The following ALPL variants were observed in gnomAD, a reference collection of about 807,000 sequenced individuals.
ALPL encodes alkaline phosphatase, tissue-nonspecific isozyme.
A neutral mutation model predicts 51.3 loss-of-function variants in ALPL; 42 were observed. That is an observed-to-expected ratio of 0.82 (90% CI 0.64 to 1.06). The LOEUF is 1.06. Among genes scored for constraint, ALPL ranks in the 50% least tolerant of loss-of-function variants. The pLI is 0.00. For missense variants in ALPL, 589 were observed against 709.4 expected (o/e 0.83, Z 1.93); for synonymous variants, 279 against 296.4 (o/e 0.94, Z 0.60).
At chr1:21,547,806 G>A (rs1249174534) in intron 1 of ALPL, among the ~76,000 whole-genome samples, 1 of 152,230 alleles carries the variant, frequency 6.6e-6, no homozygotes, top group Non-Finnish European at 1.5e-5. Flanking sequence ...AACAGCATGG[G>A]GCTGAGTGGA....
At chr1:21,570,186 A>C in intron 7 of ALPL, 119 bp from the exon 8 acceptor site, 2 of 985,164 alleles carry the variant, frequency 2.0e-6, no homozygotes, top group Non-Finnish European at 3.2e-6. Context: ...GTCCTCAGGG[A>C]GAGATTTTTA....
chr1:21,571,378 T>C (rs1455604111), intron 8 of ALPL, among the ~76,000 whole-genome samples: 2 of 152,206 alleles, frequency 1.3e-5, no homozygotes, highest in African/African-American at 4.8e-5. Context: ...TCTCAAAACT[T>C]AGGCCAGGTG....
chr1:21,549,823 T>C (rs1011331438), intron 1 of ALPL, among the ~76,000 whole-genome samples: 1 of 152,178 alleles, frequency 6.6e-6, no homozygotes, highest in African/African-American at 2.4e-5. Flanking sequence ...GCAAAATTCT[T>C]AGGTATAAAT....
chr1:21,570,492 T>C (rs892449166), intron 8 of ALPL, 118 bp downstream of exon 8: 14 of 1,078,656 alleles, frequency 1.3e-5, no homozygotes, highest in Non-Finnish European at 1.9e-5. Context: ...GCCTCTGCTC[T>C]TGGGCTTCAG....
intron 1 of ALPL, among the ~76,000 whole-genome samples, chr1:21,522,603 G>A (rs943019665): frequency 2.6e-5 from 4 of 151,940 alleles, no homozygotes; most frequent in Non-Finnish European, 4.4e-5. Context: ...CACACCTCAC[G>A]CCCCAGATCC....
At chr1:21,518,261 CT>C (rs1643837945) in intron 1 of ALPL, among the ~76,000 whole-genome samples, 1 of 152,014 alleles carries the variant, frequency 6.6e-6, no homozygotes, top group South Asian at 2.1e-4. Flanking sequence ...AGGCCTGCCC[CT>C]CTCCACCCTT....
chr1:21,549,626 A>C (rs1470786553), intron 1 of ALPL, among the ~76,000 whole-genome samples: 3 of 152,014 alleles, frequency 2.0e-5, no homozygotes, highest in Non-Finnish European at 4.4e-5. Flanking sequence ...GGTGCACACC[A>C]CCATGCCCAG....
At chr1:21,535,503 T>C (rs1395571107) in intron 1 of ALPL, among the ~76,000 whole-genome samples, 1 of 151,826 alleles carries the variant, frequency 6.6e-6, no homozygotes, top group Non-Finnish European at 1.5e-5. Context: ...TCCCAGCTAC[T>C]TGGTCTCTTG....
chr1:21,577,638 T>C lies in ALPL; in HGVS notation c.1565T>C (p.Val522Ala), dbSNP rs34605986. The change falls in exon 12 of 12, where the codon GTC (valine) becomes GCC (alanine). Residue 522 changes from valine to alanine, a missense_variant. Physicochemically the swap from Val to Ala is moderately conservative, Grantham distance 64 (BLOSUM62 0). Coordinates refer to ENST00000374840, the MANE Select transcript of ALPL (RefSeq NM_000478.6). ...GCGCTGGCCCTCTACCCCCTGAGCG[T>C]CCTGTTCTGAGGGCCCAGGGCCCGG... ...LLALALYPLS[V>A]LF 0.11 allele frequency: 170,290 copies of C among 1,597,356 alleles called. 9,914 individuals carry two copies. The highest frequency in any genetic ancestry group is 0.16 in the South Asian group (14,861 of 90,698).
At chr1:21,573,881 G>A (rs536132373) in intron 9 of ALPL, 82 bp downstream of exon 9, 1 of 1,599,382 alleles carries the variant, frequency 6.3e-7, no homozygotes, top group Admixed American at 1.7e-5. Context: ...CTCTTAAAGG[G>A]AACTGACTGG....
chr1:21,515,583 T>A (rs1643779683), intron 1 of ALPL, among the ~76,000 whole-genome samples: 1 of 152,124 alleles, frequency 6.6e-6, no homozygotes, highest in Non-Finnish European at 1.5e-5. Flanking sequence ...GAGACATGGT[T>A]TTGCCATGTC....
intron 10 of ALPL, 102 bp downstream of exon 10, chr1:21,576,026 G>A: frequency 1.5e-6 from 2 of 1,377,650 alleles, no homozygotes; most frequent in Non-Finnish European, 2.1e-6. Context: ...GCATGGTGGG[G>A]ACTCAATGAC....
intron 2 of ALPL, among the ~76,000 whole-genome samples, chr1:21,554,806 TG>T (rs1558543818): frequency 0.17 from 2,698 of 15,492 alleles, 47 homozygotes; most frequent in Admixed American, 0.25. Flanking sequence ...TCTGTCTGTC[TG>T]TCTGTCTGTC....
At chr1:21,516,214 C>T (rs1431351787) in intron 1 of ALPL, among the ~76,000 whole-genome samples, 1 of 152,100 alleles carries the variant, frequency 6.6e-6, no homozygotes, top group Non-Finnish European at 1.5e-5. Flanking sequence ...TCCCCCTCCA[C>T]CTGTCTCCAC....
rs541908723 is a variant in ALPL at position 21,548,705 on chromosome 1, A to G, written c.-104-5273A>G. On this transcript the variant is annotated intron_variant, in intron 1 of 11. Coordinates refer to ENST00000374840, the MANE Select transcript of ALPL (RefSeq NM_000478.6). ...ATCTCACTTAGCACATGACATACCC[A>G]AATAAGCTCTCAGTTCTTGTTTTGT... Among the ~76,000 whole-genome samples the G allele has an allele frequency of 3.9e-5, 6 of 152,182 alleles. No homozygotes were observed. The South Asian group carries it at 1.0e-3, about 26-fold the overall frequency.
chr1:21,550,829 C>T (rs569739973), intron 1 of ALPL, among the ~76,000 whole-genome samples: 14 of 152,226 alleles, frequency 9.2e-5, no homozygotes, highest in Middle Eastern at 3.4e-3. Context: ...TTACCTTGTG[C>T]GATTCATTCA....
intron 1 of ALPL, among the ~76,000 whole-genome samples, chr1:21,516,322 A>G (rs537553208): frequency 1.3e-5 from 2 of 152,050 alleles, no homozygotes; most frequent in East Asian, 1.9e-4. Context: ...TCTGAGGCCC[A>G]TTTCCCCTCC....
rs121918013 is a variant in ALPL, at chr1:21,563,158, G to A, written c.346G>A (p.Ala116Thr). ...QVPDSAGTAT[A>T]YLCGVKANEG... Reference sequence around the variant, plus strand: ...CCCTGACAGTGCCGGCACCGCCACCGCCTACCTGTGTGGGGTGAAGGCCAA... The same window carrying A: ...CCCTGACAGTGCCGGCACCGCCACCACCTACCTGTGTGGGGTGAAGGCCAA... The change falls in exon 5 of 12, where the codon GCC (alanine) becomes ACC (threonine). Residue 116 changes from alanine to threonine, a missense_variant. By Grantham distance (58) the Ala-to-Thr change is moderately conservative. Coordinates refer to ENST00000374840, the MANE Select transcript of ALPL (RefSeq NM_000478.6). The A allele has an allele frequency of 2.2e-5, 36 of 1,613,836 alleles. No individual in the cohort carries two copies. The highest frequency in any genetic ancestry group is 2.8e-5 in the Non-Finnish European group (33 of 1,180,018).
intron 1 of ALPL, among the ~76,000 whole-genome samples, chr1:21,536,132 C>T (rs871132): frequency 0.13 from 19,354 of 152,162 alleles, 1,851 homozygotes; most frequent in East Asian, 0.48. Context: ...GGACAACAAC[C>T]TGTCAGAAAG....
Sources: allele counts gnomAD v4.1 joint callset (sites outside exome capture counted in the v4.1 genomes callset), GRCh38; gene constraint gnomAD v4.1.1; transcripts MANE v1.5; gene names NCBI Gene and HGNC (gene_info 2026-07-23, HGNC 2026-07-21).